AGK: variants seen among roughly 807,000 people sequenced by gnomAD.
The protein encoded by AGK is acylglycerol kinase.
In AGK, 52 loss-of-function variants were observed where a neutral mutation model predicts 66.4. The observed-to-expected ratio is 0.78, with a 90% confidence interval of 0.63 to 0.99. The LOEUF is 0.99. Ranked by LOEUF, AGK falls within the 50% of genes least tolerant of loss-of-function variation. The probability of loss-of-function intolerance (pLI) is 0.00; values close to 1 mark genes in which losing one functional copy is unlikely to be tolerated. For missense variants in AGK, 451 were observed against 506.6 expected (o/e 0.89, Z 1.05); for synonymous variants, 182 against 181.1 (o/e 1.00, Z -0.04).
chr7:141,573,908 G>T (rs1366503868), intron 2 of AGK, among the ~76,000 whole-genome samples: 1 of 152,014 alleles, frequency 6.6e-6, no homozygotes, highest in African/African-American at 2.4e-5. Context: ...CATGTGCCAT[G>T]CTGGTATGCT....
chr7:141,557,822 T>C (rs947330250), intron 2 of AGK, among the ~76,000 whole-genome samples: 1 of 152,238 alleles, frequency 6.6e-6, no homozygotes, highest in Admixed American at 6.5e-5. Flanking sequence ...GATTTGGTAC[T>C]ATTTAGCCTT....
At chr7:141,633,752 C>T (rs1465495698) in intron 9 of AGK, 149 bp from the exon 10 acceptor site, 6 of 656,966 alleles carry the variant, frequency 9.1e-6, no homozygotes, top group African/African-American at 5.5e-5. Context: ...ACTAAGCACT[C>T]ACAGGGTTAA....
At chr7:141,602,347 T>C (rs1006729117) in intron 5 of AGK, among the ~76,000 whole-genome samples, 5 of 152,214 alleles carry the variant, frequency 3.3e-5, no homozygotes, top group African/African-American at 9.6e-5. Context: ...TTTTACCTTT[T>C]TTAAATTTTT....
intron 9 of AGK, among the ~76,000 whole-genome samples, chr7:141,629,262 C>T (rs544860009): frequency 6.6e-6 from 1 of 152,242 alleles, no homozygotes; most frequent in South Asian, 2.1e-4. Flanking sequence ...AACCTGCTCG[C>T]TCCATTATTT....
chr7:141,653,944 C>T lies in AGK; in HGVS notation c.*1020C>T, dbSNP rs960640305. Reference sequence around the variant, plus strand: ...CAATTTAAATATCACAACAATTTGACACCCTTCATTCATTTATAAAAATAA... The same window carrying T: ...CAATTTAAATATCACAACAATTTGATACCCTTCATTCATTTATAAAAATAA... On this transcript the variant is annotated 3_prime_UTR_variant, in exon 16 of 16. Coordinates refer to ENST00000649286, the MANE Select transcript of AGK (RefSeq NM_018238.4). The T allele has an allele frequency of 2.0e-5, 3 of 152,200 alleles. No individual in the cohort carries two copies. The highest frequency in any genetic ancestry group is 7.2e-5 in the African/African-American group (3 of 41,446). The allele number at this position is 152,200 out of a possible 1,614,324, so 9.4% of individuals were successfully genotyped here.
At chr7:141,605,152 A>G (rs34764183) in intron 5 of AGK, among the ~76,000 whole-genome samples, 7,795 of 152,246 alleles carry the variant, frequency 0.051, 358 homozygotes, top group South Asian at 0.15. Flanking sequence ...CAGATTATCC[A>G]GGTAGCACGC....
intron 3 of AGK, chr7:141,593,551 A>G: frequency 1.7e-6 from 1 of 573,716 alleles, no homozygotes; most frequent in Non-Finnish European, 3.1e-6. Context: ...AGTTCAGAGC[A>G]AGTGTTACCT....
intron 8 of AGK, among the ~76,000 whole-genome samples, chr7:141,620,414 C>T (rs1796798106): frequency 6.6e-6 from 1 of 152,200 alleles, no homozygotes; most frequent in Non-Finnish European, 1.5e-5. Context: ...AGTTGTCACT[C>T]TGTCCTAACA....
intron 2 of AGK, among the ~76,000 whole-genome samples, chr7:141,556,350 G>A (rs1169250232): frequency 1.3e-5 from 2 of 151,860 alleles, no homozygotes; most frequent in Non-Finnish European, 2.9e-5. Context: ...AGACCAGCCT[G>A]GCCAACATGG....
chr7:141,654,396 T>C lies in AGK; in HGVS notation c.*1472T>C, dbSNP rs1191259962. 6.6e-6 allele frequency: 1 copy of C among 152,232 alleles called. No homozygotes were observed. Among genetic ancestry groups the C allele is most frequent in the Admixed American group, 6.5e-5 (1 of 15,284 alleles). The allele number at this position is 152,232 out of a possible 1,614,324, so 9.4% of individuals were successfully genotyped here. On this transcript the variant is annotated 3_prime_UTR_variant, in exon 16 of 16. Coordinates refer to ENST00000649286, the MANE Select transcript of AGK (RefSeq NM_018238.4). ...AGCACATAAATTCGATGGAATAGAA[T>C]TACGTTAACAATGTTTTTACAGTTC...
chr7:141,553,973 C>G (rs1795154951), intron 1 of AGK, among the ~76,000 whole-genome samples: 1 of 151,728 alleles, frequency 6.6e-6, no homozygotes, highest in African/African-American at 2.4e-5. Context: ...TTTTCAAAAA[C>G]TTAGAAAGTA....
chr7:141,593,094 G>C (rs1796157317), intron 2 of AGK, 52 bp from the exon 3 acceptor site: 1 of 1,503,858 alleles, frequency 6.6e-7, no homozygotes, highest in Admixed American at 1.8e-5. Flanking sequence ...AATTTTGTTT[G>C]GATCATAATC....
At chr7:141,606,088 A>G (rs937836061) in intron 5 of AGK, among the ~76,000 whole-genome samples, 1 of 152,208 alleles carries the variant, frequency 6.6e-6, no homozygotes, top group Non-Finnish European at 1.5e-5. Context: ...AAATAATTTC[A>G]TTCATTCATT....
At chr7:141,553,548 GT>G (rs1795144196) in intron 1 of AGK, among the ~76,000 whole-genome samples, 1 of 152,158 alleles carries the variant, frequency 6.6e-6, no homozygotes. Context: ...AGCATTGTGG[GT>G]TTGACAGTTG....
Position 141,624,294 on chromosome 7 carries a change from A to G in AGK, c.588+2493A>G, listed in dbSNP as rs1222239227. Among the ~76,000 whole-genome samples the G allele has an allele frequency of 4.6e-5, 7 of 152,234 alleles. No homozygotes were observed. In the South Asian group the frequency reaches 1.0e-3, roughly 23 times the overall value. Reference sequence around the variant, plus strand: ...ATAGATGAACTACTGTCTTGGCAACAAAGTGAGACCCCATCTATACAAAAA... The same window carrying G: ...ATAGATGAACTACTGTCTTGGCAACGAAGTGAGACCCCATCTATACAAAAA... On this transcript the variant is annotated intron_variant, in intron 9 of 15. Transcript: ENST00000649286.
intron 3 of AGK, 142 bp downstream of exon 3, chr7:141,593,327 G>A: frequency 1.3e-6 from 1 of 772,448 alleles, no homozygotes; most frequent in Admixed American, 2.0e-5. Context: ...GAATCACGCT[G>A]GGAGCCAACT....
At chr7:141,594,929 G>A (rs1468781756) in intron 3 of AGK, among the ~76,000 whole-genome samples, 1 of 152,212 alleles carries the variant, frequency 6.6e-6, no homozygotes, top group Non-Finnish European at 1.5e-5. Context: ...GCAATTACAG[G>A]TGTGAGCCAC....
intron 9 of AGK, among the ~76,000 whole-genome samples, chr7:141,628,914 A>G (rs551005024): frequency 6.1e-4 from 93 of 152,296 alleles, no homozygotes; most frequent in African/African-American, 2.2e-3. Flanking sequence ...GAAGGTTTAT[A>G]GAATTCTTTG....
At chr7:141,563,022 G>A (rs544008671) in intron 2 of AGK, among the ~76,000 whole-genome samples, 75 of 152,314 alleles carry the variant, frequency 4.9e-4, no homozygotes, top group African/African-American at 1.5e-3. Flanking sequence ...TCCCCAGTGG[G>A]GATGTGTGTT....
Sources: allele counts gnomAD v4.1 joint callset (sites outside exome capture counted in the v4.1 genomes callset), GRCh38; gene constraint gnomAD v4.1.1; transcripts MANE v1.5; gene names NCBI Gene and HGNC (gene_info 2026-07-23, HGNC 2026-07-21).